Variants in PRDM4 observed in about 807,000 individuals in gnomAD.
The protein encoded by PRDM4 is PR/SET domain 4, also known as PR domain zinc finger protein 4.
Under a neutral mutation model 62.3 loss-of-function variants are expected in PRDM4, and 38 were observed. The observed-to-expected ratio is 0.61, with a 90% CI of 0.47 to 0.80. PRDM4 has a LOEUF of 0.80. Ranked by LOEUF, PRDM4 falls within the 30% of genes least tolerant of loss-of-function variation. The probability of loss-of-function intolerance (pLI) is 0.00; values close to 1 mark genes in which losing one functional copy is unlikely to be tolerated. For synonymous variants in PRDM4, 339 were observed against 348.2 expected (o/e 0.97, Z 0.30); for missense variants, 858 against 997.1 (o/e 0.86, Z 1.88).
intron 11 of PRDM4, chr12:107,738,309 A>G (rs1890401392): frequency 6.6e-6 from 1 of 152,202 alleles, no homozygotes; most frequent in Non-Finnish European, 1.5e-5. Context: ...TCATGCTAGC[A>G]ATGGAACTAA....
chr12:107,739,345 C>A, intron 11 of PRDM4, 38 bp downstream of exon 11: 1 of 1,597,990 alleles, frequency 6.3e-7, no homozygotes, highest in South Asian at 1.1e-5. Context: ...AAAGGCTCAC[C>A]ACCTGAGGAA....
chr12:107,740,830 G>T, intron 10 of PRDM4, 116 bp downstream of exon 10: 1 of 1,088,308 alleles, frequency 9.2e-7, no homozygotes, highest in South Asian at 1.6e-5. Flanking sequence ...AAACCACGAA[G>T]GTTTCTTTCT....
At chr12:107,740,887 T>C in intron 10 of PRDM4, 59 bp downstream of exon 10, 2 of 1,524,988 alleles carry the variant, frequency 1.3e-6, no homozygotes, top group South Asian at 1.2e-5. Flanking sequence ...ACAAAGCCTT[T>C]ACTACCGCAT....
chr12:107,747,391 G>A (rs1460192129), intron 5 of PRDM4, among the ~76,000 whole-genome samples: 5 of 151,968 alleles, frequency 3.3e-5, no homozygotes, highest in African/African-American at 9.6e-5. Flanking sequence ...CTACACCACT[G>A]TACTCTTTTG....
intron 11 of PRDM4, 48 bp downstream of exon 11, chr12:107,739,335 A>C (rs1302290499): frequency 1.3e-6 from 2 of 1,586,692 alleles, no homozygotes; most frequent in African/African-American, 1.3e-5. Flanking sequence ...GCAGCCACAC[A>C]AAGGCTCACC....
In PRDM4 at chr12:107,752,119, G is replaced by A. The variant is rs1890915531; in HGVS notation, c.422C>T (p.Thr141Ile). Reference protein sequence around the residue: ...NVDGNTALSITNNPSALDPYQ... With the variant: ...NVDGNTALSIINNPSALDPYQ... ...GGGATCTAGTGCTGAAGGGTTATTGGTGATAGATAATGCTGTATTACCATC... is the reference window on the plus strand; with the variant it reads ...GGGATCTAGTGCTGAAGGGTTATTGATGATAGATAATGCTGTATTACCATC... Residue 141 changes from threonine (T) to isoleucine (I), a missense_variant, in exon 5 of 12, where the codon ACC (threonine) becomes ATC (isoleucine). Around this residue, in one of 3 missense-constraint regions of PRDM4, gnomAD observed 499 missense variants for 546.7 expected, o/e 0.91. Transcript: ENST00000228437. The A allele has an allele frequency of 1.9e-6, 3 of 1,605,368 alleles. No homozygotes were observed. The highest frequency in any genetic ancestry group is 1.7e-5 in the Admixed American group (1 of 59,994).
rs1322798571 is a variant in PRDM4, at chr12:107,746,350, G to A, written c.1201C>T (p.Pro401Ser). The A allele has an allele frequency of 6.2e-7, 1 of 1,613,950 alleles. No homozygotes were observed. Among genetic ancestry groups the A allele is most frequent in the Non-Finnish European group, 8.5e-7 (1 of 1,179,906 alleles). Residue 401 changes from proline to serine, a missense_variant, in exon 6 of 12, where the codon CCA becomes TCA. Physicochemically the swap from Pro to Ser is moderately conservative, Grantham distance 74 (BLOSUM62 -1). Coordinates refer to ENST00000228437, the MANE Select transcript of PRDM4 (RefSeq NM_012406.4). ...GAAAGCCTTGCTCTGCTCTCTATTG[G>A]AGTGTCAGGAACAAAAGTCACTGGT... ...HGPVTFVPDT[P>S]IESRARLSLP...
At chr12:107,736,047 G>A (rs1246280844) in intron 11 of PRDM4, among the ~76,000 whole-genome samples, 2 of 152,100 alleles carry the variant, frequency 1.3e-5, no homozygotes, top group African/African-American at 4.8e-5. Flanking sequence ...ACTTGCCCAA[G>A]GCCACAACAA....
intron 10 of PRDM4, among the ~76,000 whole-genome samples, chr12:107,740,453 C>T (rs1890481891): frequency 6.6e-6 from 1 of 152,006 alleles, no homozygotes; most frequent in African/African-American, 2.4e-5. Flanking sequence ...TGTCACTGTA[C>T]TCCAGCCTGG....
In PRDM4 at chr12:107,744,632, G is replaced by T; in HGVS notation, c.1306C>A (p.Arg436=). The part of the protein sequence containing the change: ...GVWTGETIPV[R]TCFGPLIGQQ... ...CCAATTAGAGGTCCAAAGCAAGTCCGCACAGGAATGGTTTCTCCAGTCCAT... is the reference window on the plus strand; with the variant it reads ...CCAATTAGAGGTCCAAAGCAAGTCCTCACAGGAATGGTTTCTCCAGTCCAT... Residue 436 remains arginine, a synonymous_variant, in exon 7 of 12, where the codon CGG becomes AGG. Coordinates refer to ENST00000228437, the MANE Select transcript of PRDM4 (RefSeq NM_012406.4). The T allele has an allele frequency of 6.2e-7, 1 of 1,613,720 alleles. No homozygotes were observed. The highest frequency in any genetic ancestry group is 8.5e-7 in the Non-Finnish European group (1 of 1,179,682).
At chr12:107,760,073 C>T (rs932930081) in intron 2 of PRDM4, 2 of 154,508 alleles carry the variant, frequency 1.3e-5, no homozygotes, top group South Asian at 2.0e-4. Context: ...GAAAAAACAG[C>T]CAAATGCAAC....
chr12:107,740,897 T>C (rs1015951337), intron 10 of PRDM4, 49 bp downstream of exon 10: 1 of 1,559,004 alleles, frequency 6.4e-7, no homozygotes, highest in Non-Finnish European at 8.7e-7. Flanking sequence ...TACTACCGCA[T>C]TTTCTAATTG....
chr12:107,755,928 T>C (rs2136333647), intron 3 of PRDM4, among the ~76,000 whole-genome samples: 1 of 152,172 alleles, frequency 6.6e-6, no homozygotes, highest in East Asian at 1.9e-4. Context: ...CTACTAAAAA[T>C]ACAAAAAATT....
chr12:107,744,886 C>T (rs1890639793), intron 6 of PRDM4, among the ~76,000 whole-genome samples: 1 of 151,670 alleles, frequency 6.6e-6, no homozygotes, highest in African/African-American at 2.4e-5. Context: ...AGGGTGAAAC[C>T]CGGTCTCTAC....
chr12:107,746,276 A>T lies in PRDM4; in HGVS notation c.1275T>A (p.Val425=), dbSNP rs1328082239. Residue 425 remains valine, a splice_region_variant and synonymous_variant, in exon 6 of 12, where the codon GTT becomes GTA. Coordinates refer to ENST00000228437, the MANE Select transcript of PRDM4 (RefSeq NM_012406.4). ...GTTTTACAGTTCCAAGGTTCTTACC[A>T]ACTTCTGCTCCCACAATTGACTGAC... ...VLRQSIVGAE[V]GVWTGETIPV... is the part of the protein sequence containing the mutation. 5.6e-6 allele frequency: 9 copies of T among 1,613,986 alleles called. No homozygotes were observed. The Admixed American group carries it at 1.2e-4, about 21-fold the overall frequency.
chr12:107,733,304 G>A lies in PRDM4; in HGVS notation c.*906C>T, dbSNP rs993393610. On this transcript the variant is annotated 3_prime_UTR_variant, in exon 12 of 12. Transcript: ENST00000228437. ...GCAATGTTTTAACACTTTTCATAAGGTAAATGAAACATAAAAGATTATTCC... is the reference window on the plus strand; with the variant it reads ...GCAATGTTTTAACACTTTTCATAAGATAAATGAAACATAAAAGATTATTCC... 1 of 152,148 alleles carries A rather than the reference G, an allele frequency of 6.6e-6. No homozygotes were observed. Among genetic ancestry groups the A allele is most frequent in the African/African-American group, 2.4e-5 (1 of 41,430 alleles). The allele number at this position is 152,148 out of a possible 1,614,324, so 9.4% of individuals were successfully genotyped here. A position where few individuals can be genotyped will look rare whatever the true frequency, so the allele number is the denominator to read the frequency against.
At chr12:107,752,706 ATACT>A (rs1890934704) in intron 4 of PRDM4, among the ~76,000 whole-genome samples, 1 of 152,190 alleles carries the variant, frequency 6.6e-6, no homozygotes, top group Non-Finnish European at 1.5e-5. Flanking sequence ...TGGTGAAATG[ATACT>A]TACTAAACTG....
intron 4 of PRDM4, 121 bp downstream of exon 4, chr12:107,753,803 C>A (rs1236536093): frequency 3.3e-6 from 3 of 917,242 alleles, no homozygotes; most frequent in Non-Finnish European, 4.7e-6. Context: ...ACTTTTCCTG[C>A]CTAGAGATTA....
chr12:107,753,421 G>A (rs189835311), intron 4 of PRDM4, among the ~76,000 whole-genome samples: 15 of 149,408 alleles, frequency 1.0e-4, no homozygotes, highest in Non-Finnish European at 6.0e-5. Flanking sequence ...AGAAGAAACC[G>A]TGGTCTTAAT....
Sources: allele counts gnomAD v4.1 joint callset (sites outside exome capture counted in the v4.1 genomes callset), GRCh38; gene constraint gnomAD v4.1.1; regional missense constraint gnomAD v4.1.1; transcripts MANE v1.5; gene names NCBI Gene and HGNC (gene_info 2026-07-23, HGNC 2026-07-21).